MAML2: variants seen among roughly 807,000 people sequenced by gnomAD.
The protein encoded by MAML2 is mastermind-like protein 2.
Under a neutral mutation model 96.1 loss-of-function variants are expected in MAML2, and 22 were observed. The ratio of observed to expected loss-of-function variants is 0.23; its 90% CI spans 0.16 to 0.33. The LOEUF (loss-of-function observed/expected upper bound fraction) is 0.33. MAML2 is among the 10% of genes least tolerant of loss of function. The pLI, the probability that MAML2 is intolerant of heterozygous loss-of-function variation, is 1.00. For synonymous variants in MAML2, 561 were observed against 521.3 expected (o/e 1.08, Z -1.04); for missense variants, 1,367 against 1,392.4 (o/e 0.98, Z 0.29).
chr11:95,994,707 G>A (rs764145974), intron 2 of MAML2, among the ~76,000 whole-genome samples: 1 of 152,188 alleles, frequency 6.6e-6, no homozygotes, highest in South Asian at 2.1e-4. Context: ...GAAAGAGTCT[G>A]CTCTTTTCTT....
chr11:96,313,254 G>A (rs1863571999), intron 1 of MAML2, among the ~76,000 whole-genome samples: 1 of 152,170 alleles, frequency 6.6e-6, no homozygotes, highest in Admixed American at 6.5e-5. Flanking sequence ...CTAACTCTAA[G>A]AGGTTCACAA....
intron 1 of MAML2, among the ~76,000 whole-genome samples, chr11:96,155,491 G>A (rs1860994667): frequency 9.0e-6 from 1 of 111,026 alleles, no homozygotes; most frequent in Admixed American, 1.1e-4. Flanking sequence ...CCCACCTCAT[G>A]GGCGCTGTAA....
chr11:96,318,928 C>T (rs557655543), intron 1 of MAML2, among the ~76,000 whole-genome samples: 1 of 152,296 alleles, frequency 6.6e-6, no homozygotes, highest in South Asian at 2.1e-4. Context: ...TAAGATGGCT[C>T]CCAGTGATGC....
At chr11:95,980,668 C>T (rs1857723391) in intron 4 of MAML2, among the ~76,000 whole-genome samples, 2 of 152,336 alleles carry the variant, frequency 1.3e-5, no homozygotes, top group South Asian at 4.1e-4. Flanking sequence ...ATATTTTCCT[C>T]AAGGTTCAGG....
At chr11:96,259,413 C>T (rs12293292) in intron 1 of MAML2, among the ~76,000 whole-genome samples, 15,799 of 152,242 alleles carry the variant, frequency 0.1, 987 homozygotes, top group African/African-American at 0.19. Context: ...TCCAATGCTT[C>T]CATCTCAATA....
At chr11:96,072,793 C>T (rs1251353375) in intron 2 of MAML2, among the ~76,000 whole-genome samples, 2 of 152,164 alleles carry the variant, frequency 1.3e-5, no homozygotes, top group Non-Finnish European at 2.9e-5. Context: ...GACGCCAAAG[C>T]CGGCCTCTTA....
chr11:96,022,380 A>G (rs1369115881), intron 2 of MAML2, among the ~76,000 whole-genome samples: 3 of 152,182 alleles, frequency 2.0e-5, no homozygotes, highest in Admixed American at 6.5e-5. Flanking sequence ...GGCCATGTGT[A>G]TCTGCATCCA....
At chr11:96,063,610 A>G (rs1373257048) in intron 2 of MAML2, among the ~76,000 whole-genome samples, 6 of 152,186 alleles carry the variant, frequency 3.9e-5, no homozygotes, top group African/African-American at 9.7e-5. Context: ...ACTCCTATTT[A>G]TAGAAAAGAG....
chr11:96,269,504 T>C lies in MAML2; in HGVS notation c.513+71879A>G, dbSNP rs1185929109. On this transcript the variant is annotated intron_variant, in intron 1 of 4. Transcript: ENST00000524717. ...TTAAAAACCTCTTTTTGCTTTATTT[T>C]TTGAGGTACATTCTTTTTATTTTGG... 2.1e-5 allele frequency among the ~76,000 whole-genome samples: 3 copies of C among 144,434 alleles called. 1 individual carries two copies. The highest frequency in any genetic ancestry group is 8.0e-5 in the African/African-American group (3 of 37,588). The allele number at this position is 144,434 out of a possible 152,430, so 94.8% of individuals were successfully genotyped here.
chr11:96,155,587 C>G lies in MAML2; in HGVS notation c.514-62070G>C, dbSNP rs141491459. Reference sequence around the variant, plus strand: ...TCTGGCTACCTAGAACACCCTGGTCCAATGTTTAGCTGTTATTCTCCAGGT... The same window carrying G: ...TCTGGCTACCTAGAACACCCTGGTCGAATGTTTAGCTGTTATTCTCCAGGT... On this transcript the variant is annotated intron_variant, in intron 1 of 4. Coordinates refer to ENST00000524717, the MANE Select transcript of MAML2 (RefSeq NM_032427.4). Among the ~76,000 whole-genome samples the G allele has an allele frequency of 2.7e-3, 372 of 136,794 alleles. 1 individual carries two copies. The highest frequency in any genetic ancestry group is 0.01 in the African/African-American group (360 of 35,952). 89.7% of individuals were successfully genotyped at this position (136,794 alleles called of 152,430 possible).
chr11:96,104,199 A>T (rs1025279013), intron 1 of MAML2, among the ~76,000 whole-genome samples: 3 of 152,230 alleles, frequency 2.0e-5, no homozygotes, highest in Admixed American at 2.0e-4. Flanking sequence ...AATAAACCCT[A>T]GAAAGGGAAG....
intron 2 of MAML2, among the ~76,000 whole-genome samples, chr11:96,065,508 A>G (rs1433745053): frequency 6.6e-6 from 1 of 152,188 alleles, no homozygotes; most frequent in African/African-American, 2.4e-5. Context: ...TTGGATAACA[A>G]CTTAGAGAAT....
intron 1 of MAML2, among the ~76,000 whole-genome samples, chr11:96,296,367 G>A (rs568913119): frequency 2.6e-5 from 4 of 152,278 alleles, no homozygotes; most frequent in Admixed American, 2.6e-4. Context: ...AAGGGAGGCC[G>A]AGCACGGTGG....
chr11:96,080,651 T>C (rs1376725760), intron 2 of MAML2, among the ~76,000 whole-genome samples: 2 of 152,208 alleles, frequency 1.3e-5, no homozygotes, highest in African/African-American at 4.8e-5. Flanking sequence ...TTATTACATT[T>C]CTCATGCAGT....
intron 1 of MAML2, among the ~76,000 whole-genome samples, chr11:96,210,091 C>G (rs1313576168): frequency 6.6e-6 from 1 of 152,050 alleles, no homozygotes; most frequent in African/African-American, 2.4e-5. Context: ...ATGTGCCTTA[C>G]CATTTTATTT....
At chr11:96,186,481 C>T (rs1314193894) in intron 1 of MAML2, among the ~76,000 whole-genome samples, 1 of 152,228 alleles carries the variant, frequency 6.6e-6, no homozygotes, top group Non-Finnish European at 1.5e-5. Context: ...CCCAGCTACT[C>T]AGGAGGCTGA....
intron 2 of MAML2, among the ~76,000 whole-genome samples, chr11:96,081,251 GC>G (rs1255257238): frequency 6.6e-6 from 1 of 151,732 alleles, no homozygotes; most frequent in African/African-American, 2.4e-5. Context: ...CTGGAGGAAA[GC>G]CTTTACTGAA....
At chr11:96,148,392 C>T (rs757083227) in intron 1 of MAML2, among the ~76,000 whole-genome samples, 1 of 151,636 alleles carries the variant, frequency 6.6e-6, no homozygotes, top group Non-Finnish European at 1.5e-5. Flanking sequence ...GGCAAAATGT[C>T]ACCCTCTAAG....
At chr11:96,204,313 C>T (rs867243020) in intron 1 of MAML2, among the ~76,000 whole-genome samples, 5 of 152,186 alleles carry the variant, frequency 3.3e-5, no homozygotes, top group Admixed American at 1.3e-4. Context: ...TATGGAAGGA[C>T]GCTAAAAGAA....
Sources: gnomAD v4.1 joint callset for allele counts (sites outside exome capture counted in the v4.1 genomes callset) on GRCh38, gnomAD v4.1.1 for gene constraint, MANE v1.5 for transcripts, NCBI Gene and HGNC (gene_info 2026-07-23, HGNC 2026-07-21) for gene names.